SLC6A9: variants seen among roughly 807,000 people sequenced by gnomAD.
SLC6A9 encodes the protein sodium- and chloride-dependent glycine transporter 1.
In SLC6A9, 31 loss-of-function variants were observed where a neutral mutation model predicts 70.9. The observed-to-expected ratio is 0.44, with a 90% CI of 0.33 to 0.59. SLC6A9 has a LOEUF of 0.59. Ranked by LOEUF, SLC6A9 falls within the 20% of genes least tolerant of loss-of-function variation. The pLI, the probability that SLC6A9 is intolerant of heterozygous loss-of-function variation, is 0.04. For synonymous variants in SLC6A9, 310 were observed against 341.3 expected, an observed-to-expected ratio of 0.91 and a Z score of 1.01; for missense variants, 631 against 845.2, an observed-to-expected ratio of 0.75 and a Z score of 3.14.
rs983538516 is a variant in SLC6A9, at chr1:44,031,022, C to T, written c.-86+284G>A. 5.3e-5 allele frequency among the ~76,000 whole-genome samples: 8 copies of T among 152,072 alleles called. No individual in the cohort carries two copies. In the South Asian group the frequency reaches 1.7e-3, roughly 32 times the overall value. On this transcript the variant is annotated intron_variant, in intron 1 of 13. Transcript: ENST00000372310. The stretch of plus-strand genomic sequence containing the variant: ...CGCCACCCCACGCAGGAGCTCCCCC[C>T]ACTTCCCTCTCCCTCCCGCTTCAGC...
At chr1:44,015,286 C>A (rs1046568541) in intron 2 of SLC6A9, among the ~76,000 whole-genome samples, 1 of 152,206 alleles carries the variant, frequency 6.6e-6, no homozygotes, top group Non-Finnish European at 1.5e-5. Flanking sequence ...GGTGACTGTG[C>A]TCTGGTGTGA....
chr1:44,002,494 G>A lies in SLC6A9; in HGVS notation c.858+18C>T. 1.2e-6 allele frequency: 2 copies of A among 1,614,054 alleles called. No homozygotes were observed. The highest frequency in any genetic ancestry group is 8.5e-7 in the Non-Finnish European group (1 of 1,179,964). ...CTGGCCCCTCCCCAGCCCCCTTCCG[G>A]TTTCCCTCACTTCCCACCTTGGCCT... On this transcript the variant is annotated intron_variant, in intron 7 of 13. Transcript: ENST00000372310. This position sits in a 1 kb window ranked among gnomAD's most constrained non-coding sequence, Gnocchi z 5.5.
At chr1:44,011,667 G>C in intron 2 of SLC6A9, 1 of 1,614,090 alleles carries the variant, frequency 6.2e-7, no homozygotes, top group Non-Finnish European at 8.5e-7. Flanking sequence ...AGTAGAGGGA[G>C]TGGCTCCAGA....
At chr1:44,024,174 A>G (rs573401439) in intron 2 of SLC6A9, 74 bp downstream of exon 2, 3 of 1,489,744 alleles carry the variant, frequency 2.0e-6, no homozygotes, top group South Asian at 2.3e-5. Context: ...AAGCCTTCCA[A>G]GCAGCTGGCA....
rs1361556921 is a variant in SLC6A9, at chr1:44,013,231, G to C, written c.31-2349C>G. ...AGGTTCCCAAGGCTTGAAGATCAAG[G>C]CCTGTCTCCTGTTCCCAGCAGGATG... On this transcript the variant is annotated intron_variant, in intron 2 of 13. Coordinates refer to ENST00000372310, the MANE Select transcript of SLC6A9 (RefSeq NM_001024845.3). This position sits in a 1 kb window ranked among gnomAD's most constrained non-coding sequence, Gnocchi z 5.3. Among the ~76,000 whole-genome samples, 2 of 152,210 alleles carry C rather than the reference G, an allele frequency of 1.3e-5. No homozygotes were observed. Among genetic ancestry groups the C allele is most frequent in the Non-Finnish European group, 2.9e-5 (2 of 68,042 alleles).
At chr1:44,009,403 T>G (rs2086462542) in intron 4 of SLC6A9, among the ~76,000 whole-genome samples, 1 of 151,952 alleles carries the variant, frequency 6.6e-6, no homozygotes, top group Admixed American at 6.6e-5. Flanking sequence ...TTTTGTATTT[T>G]TAGTAGAGAC....
chr1:44,028,265 C>A (rs2087018584), intron 1 of SLC6A9, among the ~76,000 whole-genome samples: 1 of 152,130 alleles, frequency 6.6e-6, no homozygotes, highest in Admixed American at 6.5e-5. Flanking sequence ...GACAGAGAGG[C>A]CTGGCCAGGG....
chr1:44,030,105 T>G (rs2087069485), intron 1 of SLC6A9, among the ~76,000 whole-genome samples: 1 of 152,060 alleles, frequency 6.6e-6, no homozygotes, highest in East Asian at 2.0e-4. Context: ...GTGCGGCTCC[T>G]TTAAGTATCC....
chr1:44,005,317 G>C (rs2086269467), intron 5 of SLC6A9, among the ~76,000 whole-genome samples: 2 of 152,352 alleles, frequency 1.3e-5, no homozygotes, highest in South Asian at 4.1e-4. Context: ...AGGGTGGCGA[G>C]GGAGGGGAGG....
intron 2 of SLC6A9, chr1:44,017,458 G>A: frequency 1.2e-6 from 1 of 845,332 alleles, no homozygotes; most frequent in Non-Finnish European, 1.5e-6. Context: ...CCACGGAGCT[G>A]ACCAGACGCT....
Position 44,002,653 on chromosome 1 carries a change from C to G in SLC6A9, c.724-7G>C. The G allele has an allele frequency of 6.2e-7, 1 of 1,614,108 alleles. No individual in the cohort carries two copies. The highest frequency in any genetic ancestry group is 1.1e-5 in the South Asian group (1 of 91,084). On this transcript the variant is annotated splice_polypyrimidine_tract_variant and splice_region_variant and intron_variant, in intron 6 of 13. Coordinates refer to ENST00000372310, the MANE Select transcript of SLC6A9 (RefSeq NM_001024845.3). This position sits in a 1 kb window ranked among gnomAD's most constrained non-coding sequence, Gnocchi z 5.5. Reference sequence around the variant, plus strand: ...TGGCCGTGAAGTACACCACCTGGCACAAGAGGGCTCCATGGACTCTTCTGG... The same window carrying G: ...TGGCCGTGAAGTACACCACCTGGCAGAAGAGGGCTCCATGGACTCTTCTGG...
rs11804089 is a variant in SLC6A9, at chr1:44,002,449, G to A, written c.859-33C>T. 8,449 of 1,612,858 alleles carry A rather than the reference G, an allele frequency of 5.2e-3. 373 individuals are homozygous for A. In the African/African-American group the frequency reaches 0.098, roughly 19 times the overall value. On this transcript the variant is annotated intron_variant, in intron 7 of 13. Coordinates refer to ENST00000372310, the MANE Select transcript of SLC6A9 (RefSeq NM_001024845.3). The surrounding 1 kb of genome is among the most constrained non-coding windows in gnomAD (Gnocchi z 5.5). ...GAAGGACCGGTGGGTGAGGAGCTGT[G>A]GGCAGAGGCAGGCACCTCCCTGGCC...
intron 5 of SLC6A9, among the ~76,000 whole-genome samples, chr1:44,004,530 G>C (rs1462321166): frequency 6.6e-6 from 1 of 151,252 alleles, no homozygotes; most frequent in African/African-American, 2.4e-5. Flanking sequence ...ATTTTTTGTA[G>C]AGATATGGTA....
intron 2 of SLC6A9, chr1:44,015,891 G>A (rs1183849003): frequency 7.1e-6 from 7 of 985,138 alleles, no homozygotes; most frequent in Non-Finnish European, 8.4e-6. Context: ...AGCCCCCAGT[G>A]GCCATTCATG....
At chr1:44,015,345 G>A (rs911607356) in intron 2 of SLC6A9, among the ~76,000 whole-genome samples, 1 of 152,132 alleles carries the variant, frequency 6.6e-6, no homozygotes, top group Admixed American at 6.6e-5. Context: ...TGTGAATTGT[G>A]AGCTTCCCCC....
At chr1:44,021,233 C>A (rs1302671526) in intron 2 of SLC6A9, among the ~76,000 whole-genome samples, 2 of 151,600 alleles carry the variant, frequency 1.3e-5, no homozygotes, top group African/African-American at 4.8e-5. Flanking sequence ...CCCCCTAGTG[C>A]CCCCAAGCAT....
At chr1:43,998,670 A>G (rs1312440996) in intron 12 of SLC6A9, among the ~76,000 whole-genome samples, 2 of 152,000 alleles carry the variant, frequency 1.3e-5, no homozygotes, top group Non-Finnish European at 2.9e-5. Flanking sequence ...CTGGGGGTGC[A>G]GTGCCCAGTA....
At position 44,010,717 on chromosome 1, in the gene SLC6A9, A is replaced by C. The variant is rs368504134; in HGVS notation, c.187+9T>G. ...AGTGGGTGGTCCCTGCCCTGTGCCC[A>C]CTGGGTACCTCCCCCGTTGCGATAG... On this transcript the variant is annotated intron_variant, in intron 3 of 13. Coordinates refer to ENST00000372310, the MANE Select transcript of SLC6A9 (RefSeq NM_001024845.3). 47 of 1,613,732 alleles carry C rather than the reference A, an allele frequency of 2.9e-5. No homozygotes were observed. The African/African-American group carries it at 5.5e-4, about 19-fold the overall frequency.
intron 1 of SLC6A9, among the ~76,000 whole-genome samples, chr1:44,028,811 G>GAAAA (rs1310905616): frequency 1.5e-5 from 2 of 130,758 alleles, no homozygotes; most frequent in African/African-American, 8.3e-5. Context: ...AAGGAAGGAA[G>GAAAA]GAAAGAAGGA....
Sources: gnomAD v4.1 joint callset for allele counts (sites outside exome capture counted in the v4.1 genomes callset) on GRCh38, gnomAD v4.1.1 for gene constraint, Gnocchi (gnomAD v3.1) non-coding constraint, MANE v1.5 for transcripts, NCBI Gene and HGNC (gene_info 2026-07-23, HGNC 2026-07-21) for gene names.